TTC29: variants seen among roughly 807,000 people sequenced by gnomAD.
TTC29 encodes the protein tetratricopeptide repeat protein 29.
In TTC29, 49 loss-of-function variants were observed where a neutral mutation model predicts 58.1. That is an observed-to-expected ratio of 0.84 (90% CI 0.67 to 1.07). TTC29 has a LOEUF of 1.07. TTC29 is among the 50% of genes least tolerant of loss of function. The probability of loss-of-function intolerance (pLI) is 0.00; values close to 1 mark genes in which losing one functional copy is unlikely to be tolerated. For missense variants in TTC29, 582 were observed against 555.6 expected, an observed-to-expected ratio of 1.05 and a Z score of -0.48; for synonymous variants, 209 against 196.8, an observed-to-expected ratio of 1.06 and a Z score of -0.52.
At chr4:146,930,028 A>T (rs1351116031) in intron 4 of TTC29, among the ~76,000 whole-genome samples, 1 of 122,284 alleles carries the variant, frequency 8.2e-6, no homozygotes, top group African/African-American at 4.8e-5. Flanking sequence ...CACACATACA[A>T]TATATATATA....
At chr4:146,811,527 C>T (rs1751024232) in intron 10 of TTC29, among the ~76,000 whole-genome samples, 1 of 152,154 alleles carries the variant, frequency 6.6e-6, no homozygotes, top group African/African-American at 2.4e-5. Flanking sequence ...CTCCTCACCC[C>T]ACCAAACACA....
chr4:146,798,665 T>C (rs907058680), intron 11 of TTC29, among the ~76,000 whole-genome samples: 2 of 151,396 alleles, frequency 1.3e-5, no homozygotes, highest in Admixed American at 1.3e-4. Flanking sequence ...CCGAGGCAGG[T>C]GGATCACGAG....
intron 11 of TTC29, among the ~76,000 whole-genome samples, chr4:146,794,139 A>G (rs1423988391): frequency 1.3e-5 from 2 of 152,156 alleles, no homozygotes; most frequent in East Asian, 3.8e-4. Context: ...CATCATACAA[A>G]TCTTCAAAAG....
At chr4:146,856,166 T>C (rs1294512257) in intron 8 of TTC29, among the ~76,000 whole-genome samples, 1 of 152,208 alleles carries the variant, frequency 6.6e-6, no homozygotes, top group Non-Finnish European at 1.5e-5. Context: ...CCTCTTAGGA[T>C]GCGCTAAATA....
chr4:146,852,775 C>T (rs1729593635), intron 8 of TTC29, among the ~76,000 whole-genome samples: 1 of 152,192 alleles, frequency 6.6e-6, no homozygotes, highest in Non-Finnish European at 1.5e-5. Context: ...GTGCACCAAA[C>T]TGAAGTTTAA....
intron 8 of TTC29, among the ~76,000 whole-genome samples, chr4:146,835,785 G>T (rs1267578411): frequency 6.6e-6 from 1 of 152,122 alleles, no homozygotes; most frequent in East Asian, 1.9e-4. Context: ...GCAACAATCA[G>T]AGGTGCCCAG....
At chr4:146,737,692 GA>G (rs1156965015) in intron 11 of TTC29, among the ~76,000 whole-genome samples, 1 of 151,402 alleles carries the variant, frequency 6.6e-6, no homozygotes, top group South Asian at 2.1e-4. Flanking sequence ...GGGTGCCATT[GA>G]AAAAACCCCA....
At chr4:146,837,483 CGCT>C (rs1728587486) in intron 8 of TTC29, among the ~76,000 whole-genome samples, 1 of 151,978 alleles carries the variant, frequency 6.6e-6, no homozygotes, top group Non-Finnish European at 1.5e-5. Flanking sequence ...GCACATGTAC[CGCT>C]GAACTTAAAA....
At chr4:146,794,806 A>T (rs1749722571) in intron 11 of TTC29, among the ~76,000 whole-genome samples, 1 of 152,082 alleles carries the variant, frequency 6.6e-6, no homozygotes, top group African/African-American at 2.4e-5. Context: ...AAAAAATTTA[A>T]TTTTAAGTTC....
intron 6 of TTC29, among the ~76,000 whole-genome samples, chr4:146,889,337 C>G (rs916715621): frequency 3.9e-5 from 6 of 151,980 alleles, no homozygotes; most frequent in Non-Finnish European, 8.8e-5. Flanking sequence ...AATGAGATTT[C>G]TAAAATTAGC....
rs900009963 is a variant in TTC29, at chr4:146,817,780, G to A, written c.1101+2345C>T. 1.3e-4 allele frequency among the ~76,000 whole-genome samples: 20 copies of A among 152,048 alleles called. 1 individual carries two copies. Among genetic ancestry groups the A allele is most frequent in the Admixed American group, 1.3e-3 (20 of 15,252 alleles). ...ACAGAGCCCTCAGAAATAACGCCATGTATCTACAAGTATCTGATCTTTGAC... is the reference window on the plus strand; with the variant it reads ...ACAGAGCCCTCAGAAATAACGCCATATATCTACAAGTATCTGATCTTTGAC... On this transcript the variant is annotated intron_variant, in intron 10 of 12. Transcript: ENST00000325106.
chr4:146,716,780 A>G (rs748577036), intron 11 of TTC29, among the ~76,000 whole-genome samples: 1 of 152,172 alleles, frequency 6.6e-6, no homozygotes, highest in Non-Finnish European at 1.5e-5. Flanking sequence ...TCCCTCACCA[A>G]AATTAAAAAT....
At chr4:146,824,914 A>G in intron 9 of TTC29, among the ~76,000 whole-genome samples, 1 of 151,884 alleles carries the variant, frequency 6.6e-6, no homozygotes, top group Non-Finnish European at 1.5e-5. Flanking sequence ...ATTCTCTGTT[A>G]GTAGTTTGTA....
At chr4:146,891,533 A>G (rs925383485) in intron 6 of TTC29, among the ~76,000 whole-genome samples, 1 of 152,236 alleles carries the variant, frequency 6.6e-6, no homozygotes, top group East Asian at 1.9e-4. Flanking sequence ...GCTGTGACAG[A>G]AAATGTTGAA....
chr4:146,727,151 G>A (rs1743850737), intron 11 of TTC29, among the ~76,000 whole-genome samples: 1 of 151,588 alleles, frequency 6.6e-6, no homozygotes, highest in African/African-American at 2.4e-5. Flanking sequence ...ACACATTTCT[G>A]TACTTTTTAA....
chr4:146,794,445 C>CTGT (rs1399288938), intron 11 of TTC29, among the ~76,000 whole-genome samples: 1 of 152,036 alleles, frequency 6.6e-6, no homozygotes, highest in African/African-American at 2.4e-5. Flanking sequence ...TTCCATAATC[C>CTGT]TGTTAGCTGG....
chr4:146,865,798 G>T (rs1455313010), intron 8 of TTC29, among the ~76,000 whole-genome samples: 1 of 152,106 alleles, frequency 6.6e-6, no homozygotes, highest in South Asian at 2.1e-4. Flanking sequence ...TGATGGACAG[G>T]CCAACTAGTT....
intron 11 of TTC29, among the ~76,000 whole-genome samples, chr4:146,714,430 CA>C (rs1742768769): frequency 6.6e-6 from 1 of 151,846 alleles, no homozygotes; most frequent in African/African-American, 2.4e-5. Context: ...CAGCTTTAAG[CA>C]GCCTAATAGA....
intron 6 of TTC29, among the ~76,000 whole-genome samples, chr4:146,879,815 C>T (rs1039911152): frequency 2.6e-4 from 39 of 152,100 alleles, no homozygotes; most frequent in African/African-American, 8.9e-4. Flanking sequence ...ATTTTACCAA[C>T]GTATCACAAA....
Sources: gnomAD v4.1 joint callset for allele counts (sites outside exome capture counted in the v4.1 genomes callset) on GRCh38, gnomAD v4.1.1 for gene constraint, MANE v1.5 for transcripts, NCBI Gene and HGNC (gene_info 2026-07-23, HGNC 2026-07-21) for gene names.